CLASP2: variants seen among roughly 807,000 people sequenced by gnomAD.
The protein encoded by CLASP2 is CLIP-associating protein 2.
A neutral mutation model predicts 194.4 loss-of-function variants in CLASP2; 47 were observed. The ratio of observed to expected loss-of-function variants is 0.24; its 90% CI spans 0.19 to 0.31. CLASP2 has a LOEUF of 0.31. Among genes scored for constraint, CLASP2 ranks in the 10% least tolerant of loss-of-function variants. CLASP2 has a pLI of 1.00. For missense variants in CLASP2, 1,445 were observed against 1,823.6 expected (o/e 0.79, Z 3.78); for synonymous variants, 619 against 633.5 (o/e 0.98, Z 0.34).
At chr3:33,556,498 C>A (rs1277069262) in intron 29 of CLASP2, among the ~76,000 whole-genome samples, 1 of 151,312 alleles carries the variant, frequency 6.6e-6, no homozygotes, top group East Asian at 1.9e-4. Context: ...GGCAGTGGCG[C>A]AGACTCGGCT....
In CLASP2 at chr3:33,497,554, A is replaced by T. The variant is rs888677277; in HGVS notation, c.*1077T>A. The T allele has an allele frequency of 5.9e-5, 9 of 152,634 alleles. No homozygotes were observed. The highest frequency in any genetic ancestry group is 1.7e-4 in the African/African-American group (7 of 41,446). 9.5% of individuals were successfully genotyped at this position (152,634 alleles called of 1,614,324 possible). ...AAAAGTATTAGCCCTGAAGAGGTAG[A>T]GAATTTGAGCCCATTATACAAAGAC... On this transcript the variant is annotated 3_prime_UTR_variant, in exon 39 of 39. Transcript: ENST00000682230.
chr3:33,510,791 A>T, intron 36 of CLASP2, 27 bp from the exon 37 acceptor site: 1 of 1,558,710 alleles, frequency 6.4e-7, no homozygotes. Flanking sequence ...ATTAAGCCAG[A>T]AAGTAATTTT....
At chr3:33,653,500 G>C (rs901623895) in intron 7 of CLASP2, among the ~76,000 whole-genome samples, 2 of 152,078 alleles carry the variant, frequency 1.3e-5, no homozygotes, top group Non-Finnish European at 2.9e-5. Context: ...TTGCAATGGT[G>C]AACTTTCTTC....
rs1327820352 is a variant in CLASP2, at chr3:33,604,136, A to C, written c.1750+18T>G. On this transcript the variant is annotated intron_variant, in intron 17 of 38. Transcript: ENST00000682230. ...AAAGATAAAATAGGTTATAACTCTT[A>C]TTTAAAGAGAAAATTACCTCTTCCA... 6.5e-7 allele frequency: 1 copy of C among 1,534,774 alleles called. No homozygotes were observed. Among genetic ancestry groups the C allele is most frequent in the Non-Finnish European group, 8.8e-7 (1 of 1,131,796 alleles).
At chr3:33,562,831 A>G (rs752768959) in intron 27 of CLASP2, among the ~76,000 whole-genome samples, 1 of 152,196 alleles carries the variant, frequency 6.6e-6, no homozygotes, top group South Asian at 2.1e-4. Context: ...GACCTGCCCA[A>G]TGTTTCACAG....
intron 37 of CLASP2, among the ~76,000 whole-genome samples, chr3:33,506,973 T>C (rs2048436064): frequency 6.6e-6 from 1 of 150,852 alleles, no homozygotes; most frequent in Non-Finnish European, 1.5e-5. Flanking sequence ...AGTTTCGCTC[T>C]TGTTGCCCAG....
intron 34 of CLASP2, among the ~76,000 whole-genome samples, chr3:33,530,317 A>G (rs1420460208): frequency 1.3e-5 from 2 of 152,018 alleles, no homozygotes; most frequent in Non-Finnish European, 2.9e-5. Context: ...TTTACAAAAA[A>G]AAATTAGCCA....
intron 36 of CLASP2, among the ~76,000 whole-genome samples, chr3:33,515,085 G>A (rs187936642): frequency 2.6e-5 from 4 of 151,984 alleles, no homozygotes; most frequent in African/African-American, 7.2e-5. Context: ...AGTGGGTGTG[G>A]GGTGAGGGAT....
chr3:33,675,433 A>G (rs1441684889), intron 6 of CLASP2, among the ~76,000 whole-genome samples: 9 of 151,658 alleles, frequency 5.9e-5, no homozygotes, highest in East Asian at 1.9e-4. Context: ...GATGGGACAT[A>G]TCTCAAAATA....
intron 32 of CLASP2, among the ~76,000 whole-genome samples, chr3:33,540,827 C>T (rs1266148705): frequency 1.4e-5 from 2 of 146,934 alleles, no homozygotes; most frequent in African/African-American, 5.0e-5. Context: ...GGCTGGAGTG[C>T]GGTAGCACGA....
intron 30 of CLASP2, among the ~76,000 whole-genome samples, chr3:33,547,658 C>G (rs188416545): frequency 3.9e-5 from 6 of 152,300 alleles, no homozygotes; most frequent in African/African-American, 1.2e-4. Flanking sequence ...ATAGAATAAA[C>G]TGGGAAGTGT....
chr3:33,543,509 T>C lies in CLASP2; in HGVS notation c.3328A>G (p.Thr1110Ala). 1.2e-6 allele frequency: 2 copies of C among 1,613,324 alleles called. No homozygotes were observed. The highest frequency in any genetic ancestry group is 4.5e-5 in the East Asian group (2 of 44,872). Reference sequence around the variant, plus strand: ...GACCAGTTAGCTGGTGATCGTGGTGTTGGTCTTGTCAAAGGACTCCCCATG... The same window carrying C: ...GACCAGTTAGCTGGTGATCGTGGTGCTGGTCTTGTCAAAGGACTCCCCATG... ...SSMGSPLTRP[T>A]PRSPANWSSP... Residue 1110 changes from threonine (T) to alanine (A), a missense_variant, in exon 32 of 39, where the codon ACA (threonine) becomes GCA (alanine). By Grantham distance (58) the Thr-to-Ala change is moderately conservative (BLOSUM62 0). Transcript: ENST00000682230.
At chr3:33,593,621 A>G (rs187111074) in intron 20 of CLASP2, among the ~76,000 whole-genome samples, 2 of 152,316 alleles carry the variant, frequency 1.3e-5, no homozygotes, top group Admixed American at 6.5e-5. Context: ...ATCAACTTCA[A>G]GGCCCCTAAT....
Position 33,718,168 on chromosome 3 carries a change from G to A in CLASP2, c.-166C>T. On this transcript the variant is annotated 5_prime_UTR_variant, in exon 1 of 39. Transcript: ENST00000682230. ...CGGCGGGAGGAACGCCAAGCGCCCAGCCGCCCCCAAACTAGTCAAACTCGG... is the reference window on the plus strand; with the variant it reads ...CGGCGGGAGGAACGCCAAGCGCCCAACCGCCCCCAAACTAGTCAAACTCGG... The A allele has an allele frequency of 1.8e-6, 1 of 569,888 alleles. No homozygotes were observed. Among genetic ancestry groups the A allele is most frequent in the Non-Finnish European group, 2.8e-6 (1 of 359,464 alleles). 35.3% of individuals were successfully genotyped at this position (569,888 alleles called of 1,614,324 possible). A position where few individuals can be genotyped will look rare whatever the true frequency, so the allele number is the denominator to read the frequency against.
intron 33 of CLASP2, 109 bp downstream of exon 33, chr3:33,538,680 C>T: frequency 1.1e-6 from 1 of 892,552 alleles, no homozygotes; most frequent in Non-Finnish European, 1.6e-6. Context: ...TGTAGAGTGA[C>T]TGATCCCTAG....
At chr3:33,664,872 C>T (rs571231897) in intron 6 of CLASP2, among the ~76,000 whole-genome samples, 6 of 152,080 alleles carry the variant, frequency 3.9e-5, no homozygotes, top group Admixed American at 2.6e-4. Flanking sequence ...GGCCAAGCAG[C>T]GCAGATCACC....
chr3:33,585,169 C>T (rs2067075720), intron 21 of CLASP2, among the ~76,000 whole-genome samples: 1 of 151,606 alleles, frequency 6.6e-6, no homozygotes, highest in South Asian at 2.1e-4. Context: ...AGGTATAAGA[C>T]ACTATGTTTA....
intron 37 of CLASP2, among the ~76,000 whole-genome samples, chr3:33,508,562 C>T (rs144619767): frequency 0.012 from 1,882 of 152,266 alleles, 14 homozygotes; most frequent in Middle Eastern, 0.044. Flanking sequence ...CTCCTGACCT[C>T]AAGTGACCTG....
chr3:33,517,270 C>T (rs1270601863), intron 34 of CLASP2, 96 bp from the exon 35 acceptor site: 6 of 914,388 alleles, frequency 6.6e-6, no homozygotes, highest in Middle Eastern at 4.9e-4. Context: ...CAGATATAAC[C>T]ATCATGTTTG....
Sources: allele counts gnomAD v4.1 joint callset (sites outside exome capture counted in the v4.1 genomes callset), GRCh38; gene constraint gnomAD v4.1.1; transcripts MANE v1.5; gene names NCBI Gene and HGNC (gene_info 2026-07-23, HGNC 2026-07-21).